Variants in PAPOLG observed in about 807,000 individuals in gnomAD.
PAPOLG encodes the protein poly(A) polymerase gamma.
Under a neutral mutation model 99.0 loss-of-function variants are expected in PAPOLG, and 40 were observed. That is an observed-to-expected ratio of 0.40 (90% confidence interval 0.31 to 0.53). The LOEUF (loss-of-function observed/expected upper bound fraction) is 0.53. PAPOLG is among the 20% of genes least tolerant of loss of function. The probability of loss-of-function intolerance (pLI) is 0.41; values close to 1 mark genes in which losing one functional copy is unlikely to be tolerated. For synonymous variants in PAPOLG, 310 were observed against 299.3 expected (o/e 1.04, Z -0.37); for missense variants, 675 against 884.1 (o/e 0.76, Z 3.00).
chr2:60,794,617 A>G, intron 19 of PAPOLG, 93 bp from the exon 20 acceptor site: 1 of 1,023,498 alleles, frequency 9.8e-7, no homozygotes, highest in Non-Finnish European at 1.5e-6. Context: ...TTTTTATAAT[A>G]GTGTAACCAA....
intron 18 of PAPOLG, 66 bp from the exon 19 acceptor site, chr2:60,793,905 C>T: frequency 2.6e-6 from 4 of 1,512,560 alleles, no homozygotes. Context: ...GAATGAGAGA[C>T]CCTGTCTCAA....
intron 15 of PAPOLG, among the ~76,000 whole-genome samples, chr2:60,791,270 G>T (rs1009177318): frequency 6.6e-6 from 1 of 152,158 alleles, no homozygotes; most frequent in African/African-American, 2.4e-5. Flanking sequence ...TGGATTCATG[G>T]CTGGGCACGG....
At position 60,767,595 on chromosome 2, in the gene PAPOLG, CA is replaced by C. The variant is rs1670719896; in HGVS notation, c.247-870del. 2.0e-5 allele frequency among the ~76,000 whole-genome samples: 3 copies of C among 151,874 alleles called. No homozygotes were observed. The South Asian group carries it at 6.2e-4, about 32-fold the overall frequency. ...GATTACAGGCATGACCACGCCCAGC[CA>C]AAAAGTAGCATTTTAATTACATTAT... On this transcript the variant is annotated intron_variant, in intron 3 of 21. Transcript: ENST00000238714.
intron 3 of PAPOLG, among the ~76,000 whole-genome samples, chr2:60,762,395 G>A (rs2103759090): frequency 6.6e-6 from 1 of 152,020 alleles, no homozygotes. Context: ...TTTGTGTAGT[G>A]CAGTCCTCCC....
At chr2:60,797,017 A>G (rs772374881) in intron 21 of PAPOLG, 45 bp from the exon 22 acceptor site, 2 of 1,611,122 alleles carry the variant, frequency 1.2e-6, no homozygotes, top group African/African-American at 2.7e-5. Context: ...TTTATAATAT[A>G]TATGATGTGC....
At chr2:60,786,545 T>C (rs914908087) in intron 13 of PAPOLG, among the ~76,000 whole-genome samples, 3 of 151,200 alleles carry the variant, frequency 2.0e-5, no homozygotes, top group Admixed American at 6.6e-5. Flanking sequence ...ATTTTTTTTT[T>C]TGAGACGGAG....
At position 60,794,569 on chromosome 2, in the gene PAPOLG, T is replaced by G. The variant is rs1028153010; in HGVS notation, c.1990-141T>G. 9 of 717,048 alleles carry G rather than the reference T, an allele frequency of 1.3e-5. No individual in the cohort carries two copies. In the East Asian group the frequency reaches 2.5e-4, roughly 20 times the overall value. The allele number at this position is 717,048 out of a possible 1,614,324, so 44.4% of individuals were successfully genotyped here. A position where few individuals can be genotyped will look rare whatever the true frequency, so the allele number is the denominator to read the frequency against. ...CGGTGGCAGTTGAATTCAATCTAAT[T>G]TAAATTATCTTCTCTTACCAATCCA... On this transcript the variant is annotated intron_variant, in intron 19 of 21. Coordinates refer to ENST00000238714, the MANE Select transcript of PAPOLG (RefSeq NM_022894.4).
chr2:60,759,453 G>T (rs1386015700), intron 1 of PAPOLG, among the ~76,000 whole-genome samples: 2 of 152,196 alleles, frequency 1.3e-5, no homozygotes, highest in Non-Finnish European at 2.9e-5. Context: ...TGTTTGGAGG[G>T]TGGCTCATGT....
intron 3 of PAPOLG, among the ~76,000 whole-genome samples, chr2:60,765,621 T>C (rs1171689620): frequency 6.6e-6 from 1 of 152,200 alleles, no homozygotes; most frequent in Non-Finnish European, 1.5e-5. Flanking sequence ...CTGTACACAA[T>C]TGGGATATTT....
rs1671839771 is a variant in PAPOLG at position 60,801,934 on chromosome 2, G to T, written c.*4774G>T. 1 of 152,440 alleles carries T rather than the reference G, an allele frequency of 6.6e-6. No individual in the cohort carries two copies. Among genetic ancestry groups the T allele is most frequent in the South Asian group, 2.1e-4 (1 of 4,828 alleles). 9.4% of individuals were successfully genotyped at this position (152,440 alleles called of 1,614,324 possible). A position where few individuals can be genotyped will look rare whatever the true frequency, so the allele number is the denominator to read the frequency against. ...ATCACTCTACAGTACTATGTAAAATGAATGGAGCTGCTGTTCCTTTCTAGC... is the reference window on the plus strand; with the variant it reads ...ATCACTCTACAGTACTATGTAAAATTAATGGAGCTGCTGTTCCTTTCTAGC... On this transcript the variant is annotated 3_prime_UTR_variant, in exon 22 of 22. Coordinates refer to ENST00000238714, the MANE Select transcript of PAPOLG (RefSeq NM_022894.4).
At chr2:60,765,235 CTTTT>C (rs557009182) in intron 3 of PAPOLG, among the ~76,000 whole-genome samples, 6 of 119,844 alleles carry the variant, frequency 5.0e-5, no homozygotes, top group Admixed American at 4.5e-4. Flanking sequence ...TGCCTAGCTA[CTTTT>C]TTTTTTTTTT....
chr2:60,771,949 A>C (rs1670865297), intron 7 of PAPOLG, among the ~76,000 whole-genome samples: 1 of 152,150 alleles, frequency 6.6e-6, no homozygotes, highest in Admixed American at 6.5e-5. Flanking sequence ...AAAAATAAAA[A>C]CTGAGAAATT....
intron 1 of PAPOLG, among the ~76,000 whole-genome samples, chr2:60,758,324 TG>T (rs1401997268): frequency 9.5e-5 from 12 of 126,098 alleles, no homozygotes; most frequent in South Asian, 2.4e-4. Flanking sequence ...TTTTGGTTTC[TG>T]GGGTTTTTTT....
rs1276710287 is a variant in PAPOLG, at chr2:60,801,716, G to C, written c.*4556G>C. The C allele has an allele frequency of 6.6e-6, 1 of 152,198 alleles. No individual in the cohort carries two copies. The highest frequency in any genetic ancestry group is 1.5e-5 in the Non-Finnish European group (1 of 68,034). 9.4% of individuals were successfully genotyped at this position (152,198 alleles called of 1,614,324 possible). A position where few individuals can be genotyped will look rare whatever the true frequency, so the allele number is the denominator to read the frequency against. ...GGCCTCCCAAAGTTCTGGGATTACAGGCGTGAGCCACCGTGCCCAGCCCCT... is the reference window on the plus strand; with the variant it reads ...GGCCTCCCAAAGTTCTGGGATTACACGCGTGAGCCACCGTGCCCAGCCCCT... On this transcript the variant is annotated 3_prime_UTR_variant, in exon 22 of 22. Coordinates refer to ENST00000238714, the MANE Select transcript of PAPOLG (RefSeq NM_022894.4).
At chr2:60,766,392 GGT>G (rs1670675998) in intron 3 of PAPOLG, among the ~76,000 whole-genome samples, 1 of 152,166 alleles carries the variant, frequency 6.6e-6, no homozygotes, top group African/African-American at 2.4e-5. Flanking sequence ...AGCTGGACAT[GGT>G]GGCTCATGCC....
intron 3 of PAPOLG, among the ~76,000 whole-genome samples, chr2:60,762,404 C>T (rs1388417313): frequency 1.3e-5 from 2 of 151,942 alleles, no homozygotes; most frequent in Non-Finnish European, 2.9e-5. Flanking sequence ...TGCAGTCCTC[C>T]CTTGGTATCC....
At chr2:60,789,799 C>T (rs1671475432) in intron 15 of PAPOLG, among the ~76,000 whole-genome samples, 1 of 152,138 alleles carries the variant, frequency 6.6e-6, no homozygotes, top group Non-Finnish European at 1.5e-5. Context: ...CATGAAAATG[C>T]AGATTCCTGG....
At chr2:60,780,655 G>A (rs375870276) in intron 9 of PAPOLG, 52 bp from the exon 10 acceptor site, 62 of 1,536,514 alleles carry the variant, frequency 4.0e-5, no homozygotes, top group Non-Finnish European at 4.9e-5. Context: ...AAAGTTTCAT[G>A]TAGTACCTGA....
At chr2:60,792,075 G>C (rs1573255703) in intron 16 of PAPOLG, 54 bp from the exon 17 acceptor site, 1 of 1,535,760 alleles carries the variant, frequency 6.5e-7, no homozygotes, top group African/African-American at 1.4e-5. Context: ...ATTGAAACCA[G>C]TCTTTATATT....
Sources: allele counts gnomAD v4.1 joint callset (sites outside exome capture counted in the v4.1 genomes callset), GRCh38; gene constraint gnomAD v4.1.1; transcripts MANE v1.5; gene names NCBI Gene and HGNC (gene_info 2026-07-23, HGNC 2026-07-21).